CCR5AS: variants seen among roughly 807,000 people sequenced by gnomAD.
CCR5AS encodes CCR5 antisense RNA.
intron 2 of CCR5AS, chr3:46,372,902 G>T (rs750682026): frequency 1.5e-5 from 23 of 1,575,902 alleles, no homozygotes; most frequent in Non-Finnish European, 2.0e-5. Flanking sequence ...GGTGGAACAA[G>T]ATGGATTATC....
At chr3:46,366,691 C>A (rs1484120704) in intron 3 of CCR5AS, among the ~76,000 whole-genome samples, 3 of 152,172 alleles carry the variant, frequency 2.0e-5, no homozygotes, top group African/African-American at 7.2e-5. Context: ...GGTGAGTTCC[C>A]AACCCACCCA....
At chr3:46,391,172 A>G (rs1224190496) in intron 2 of CCR5AS, among the ~76,000 whole-genome samples, 1 of 152,214 alleles carries the variant, frequency 6.6e-6, no homozygotes, top group Non-Finnish European at 1.5e-5. Context: ...TCCTTGGCCC[A>G]GTGGCCAGAT....
chr3:46,387,961 T>G (rs1428862789), intron 2 of CCR5AS, among the ~76,000 whole-genome samples: 2 of 151,932 alleles, frequency 1.3e-5, no homozygotes, highest in African/African-American at 2.4e-5. Context: ...AACTGATCAG[T>G]TAGGGTGGGG....
chr3:46,390,342 C>G (rs994050789), intron 2 of CCR5AS, among the ~76,000 whole-genome samples: 1 of 152,028 alleles, frequency 6.6e-6, no homozygotes, highest in Non-Finnish European at 1.5e-5. Flanking sequence ...ATGGGAAGGA[C>G]GATTTGATCA....
At chr3:46,393,460 C>CAAAAA (rs35762544) in intron 1 of CCR5AS, among the ~76,000 whole-genome samples, 5 of 101,912 alleles carry the variant, frequency 4.9e-5, no homozygotes, top group Admixed American at 2.0e-4. Flanking sequence ...AACAGAGCCA[C>CAAAAA]AAAAAAAAAA....
intron 1 of CCR5AS, among the ~76,000 whole-genome samples, chr3:46,405,018 G>A (rs1405308015): frequency 2.0e-5 from 3 of 152,184 alleles, no homozygotes; most frequent in African/African-American, 7.2e-5. Context: ...ACTTGCCAAG[G>A]CTGCAGAATG....
At chr3:46,367,850 G>A (rs1024317501) in intron 3 of CCR5AS, among the ~76,000 whole-genome samples, 3 of 152,202 alleles carry the variant, frequency 2.0e-5, no homozygotes, top group Non-Finnish European at 4.4e-5. Flanking sequence ...GGGATTATAG[G>A]CATGAGCCAC....
intron 3 of CCR5AS, among the ~76,000 whole-genome samples, chr3:46,366,506 G>T (rs1476073898): frequency 6.6e-6 from 1 of 152,172 alleles, no homozygotes; most frequent in Non-Finnish European, 1.5e-5. Context: ...CTGAGCTAAG[G>T]GGCTCCCACC....
intron 2 of CCR5AS, chr3:46,375,435 G>A (rs534497551): frequency 1.8e-5 from 3 of 167,116 alleles, no homozygotes; most frequent in South Asian, 4.2e-4. Context: ...CTCATTCAGG[G>A]ATAGCACTGA....
At chr3:46,398,254 C>T (rs766303633) in intron 1 of CCR5AS, among the ~76,000 whole-genome samples, 8 of 152,116 alleles carry the variant, frequency 5.3e-5, no homozygotes, top group African/African-American at 1.2e-4. Flanking sequence ...TCAATGTTCC[C>T]GGCTGAAACA....
rs528037420 is a variant in CCR5AS, at chr3:46,400,485, A to C, written n.163+6412T>G. 1.6e-3 allele frequency among the ~76,000 whole-genome samples: 243 copies of C among 152,372 alleles called. 1 individual carries two copies. Among genetic ancestry groups the C allele is most frequent in the Non-Finnish European group, 2.9e-3 (196 of 68,034 alleles). On this transcript the variant is annotated intron_variant and non_coding_transcript_variant, in intron 1 of 3. Transcript: ENST00000451485. ...TAGTCAGAGGCTGGAAGGCTTGATG[A>C]ACAACACATATTACACAAAGAATAA...
intron 1 of CCR5AS, among the ~76,000 whole-genome samples, chr3:46,404,475 C>T (rs931261244): frequency 7.9e-5 from 12 of 151,828 alleles, no homozygotes; most frequent in East Asian, 3.9e-4. Context: ...GCTGGGATTA[C>T]GGGCACCCAT....
At chr3:46,372,160 G>A (rs1190545538) in intron 2 of CCR5AS, among the ~76,000 whole-genome samples, 2 of 152,136 alleles carry the variant, frequency 1.3e-5, no homozygotes, top group Admixed American at 6.5e-5. Context: ...ATGTGCCCTC[G>A]AGGCCTCTTA....
chr3:46,370,471 C>A (rs1263298242), intron 3 of CCR5AS, among the ~76,000 whole-genome samples: 1 of 152,130 alleles, frequency 6.6e-6, no homozygotes, highest in East Asian at 1.9e-4. Flanking sequence ...AGTCCAGGAT[C>A]CCCCTCTACA....
At chr3:46,370,991 A>G (rs1176463545) in intron 3 of CCR5AS, 1 of 152,222 alleles carries the variant, frequency 6.6e-6, no homozygotes, top group African/African-American at 2.4e-5. Context: ...TCTCCCCGGT[A>G]AGTAACCTCT....
chr3:46,398,334 C>T (rs1319917667), intron 1 of CCR5AS, among the ~76,000 whole-genome samples: 1 of 152,126 alleles, frequency 6.6e-6, no homozygotes, highest in Non-Finnish European at 1.5e-5. Flanking sequence ...AGAAAATAAT[C>T]CCCAGTCAAG....
chr3:46,384,668 A>G (rs1189720380), intron 2 of CCR5AS, among the ~76,000 whole-genome samples: 1 of 152,178 alleles, frequency 6.6e-6, no homozygotes, highest in Non-Finnish European at 1.5e-5. Context: ...GGAGGAAAAA[A>G]TCCTAGAGAG....
chr3:46,373,053 G>A, intron 2 of CCR5AS: 1 of 1,614,122 alleles, frequency 6.2e-7, no homozygotes, highest in Non-Finnish European at 8.5e-7. Context: ...CAACATGCTG[G>A]TCATCCTCAT....
chr3:46,393,780 G>A (rs943750097), intron 1 of CCR5AS, among the ~76,000 whole-genome samples: 1 of 152,232 alleles, frequency 6.6e-6, no homozygotes, highest in Non-Finnish European at 1.5e-5. Flanking sequence ...CCCATGCTGG[G>A]CTATCAGAGC....
Sources: allele counts gnomAD v4.1 joint callset (sites outside exome capture counted in the v4.1 genomes callset), GRCh38; gene constraint gnomAD v4.1.1; transcripts MANE v1.5; gene names NCBI Gene and HGNC (gene_info 2026-07-23, HGNC 2026-07-21).